SMCO2: variants seen among roughly 807,000 people sequenced by gnomAD.
The protein encoded by SMCO2 is single-pass membrane protein with coiled-coil domains 2, also known as single-pass membrane and coiled-coil domain-containing protein 2.
A neutral mutation model predicts 29.5 loss-of-function variants in SMCO2; 25 were observed. The ratio of observed to expected loss-of-function variants is 0.85; its 90% CI spans 0.62 to 1.18. The LOEUF (loss-of-function observed/expected upper bound fraction) is 1.18, where lower values mean the gene tolerates loss of function less well. Among genes scored for constraint, SMCO2 ranks in the 50% most tolerant of loss-of-function variants. The probability of loss-of-function intolerance (pLI) is 0.00; values close to 1 mark genes in which losing one functional copy is unlikely to be tolerated. For synonymous variants in SMCO2, 117 were observed against 123.3 expected (o/e 0.95, Z 0.34); for missense variants, 348 against 344.5 (o/e 1.01, Z -0.08).
the SMCO2 span, among the ~76,000 whole-genome samples, chr12:27,461,125 A>G: frequency 4.2e-4 from 64 of 152,314 alleles, no homozygotes; most frequent in South Asian, 3.7e-3. Context: ...ACATCCTCCT[A>G]TGTATACTTT....
chr12:27,472,421 A>G (rs1949548595), intron 2 of SMCO2, among the ~76,000 whole-genome samples: 1 of 152,170 alleles, frequency 6.6e-6, no homozygotes, highest in African/African-American at 2.4e-5. Flanking sequence ...CATTTAAACC[A>G]CATAAGGTTT....
At chr12:27,453,352 C>G in the SMCO2 span, among the ~76,000 whole-genome samples, 1 of 152,146 alleles carries the variant, frequency 6.6e-6, no homozygotes, top group African/African-American at 2.4e-5. Context: ...CCATCCTGTG[C>G]CGGGGCATGT....
At chr12:27,470,490 T>G in intron 1 of SMCO2, 132 bp from the exon 2 acceptor site, 1 of 935,026 alleles carries the variant, frequency 1.1e-6, no homozygotes, top group Non-Finnish European at 1.5e-6. Context: ...TCCTTTACGA[T>G]GAACAGCCAG....
chr12:27,424,812 C>G, the SMCO2 span: 2 of 152,166 alleles, frequency 1.3e-5, no homozygotes, highest in Non-Finnish European at 2.9e-5. Flanking sequence ...CTAGGTGCCA[C>G]TTTTCTGTTT....
chr12:27,460,385 A>G, the SMCO2 span, among the ~76,000 whole-genome samples: 3 of 152,250 alleles, frequency 2.0e-5, no homozygotes, highest in Non-Finnish European at 2.9e-5. Context: ...TCAATTACAT[A>G]ATCAGTAAAT....
At chr12:27,450,622 C>G in the SMCO2 span, among the ~76,000 whole-genome samples, 1 of 152,174 alleles carries the variant, frequency 6.6e-6, no homozygotes, top group Non-Finnish European at 1.5e-5. Context: ...ACAGAGGGAG[C>G]AGTGCTGCCA....
At chr12:27,429,001 A>C in the SMCO2 span, among the ~76,000 whole-genome samples, 8 of 152,118 alleles carry the variant, frequency 5.3e-5, no homozygotes, top group Non-Finnish European at 1.0e-4. Context: ...CTGATGATTA[A>C]ATTATTTGGC....
chr12:27,440,281 TAAA>T, the SMCO2 span, among the ~76,000 whole-genome samples: 1 of 152,180 alleles, frequency 6.6e-6, no homozygotes, highest in East Asian at 1.9e-4. Context: ...GAAGGAGTGA[TAAA>T]ATCTTTTAGA....
chr12:27,466,697 G>A (rs1820015469), upstream of SMCO2: 2 of 152,600 alleles, frequency 1.3e-5, no homozygotes, highest in African/African-American at 2.4e-5. Context: ...GGCTAGAAGG[G>A]CAAGGTAGAA....
the SMCO2 span, chr12:27,425,093 T>C: frequency 2.0e-5 from 3 of 152,300 alleles, no homozygotes; most frequent in African/African-American, 7.2e-5. Flanking sequence ...GTGTATGGTG[T>C]ATGTCACTTC....
chr12:27,474,263 C>T (rs1464037122), intron 3 of SMCO2, among the ~76,000 whole-genome samples: 1 of 152,182 alleles, frequency 6.6e-6, no homozygotes, highest in East Asian at 1.9e-4. Flanking sequence ...ACTGTTATCA[C>T]ATCTGGGAAA....
the SMCO2 span, chr12:27,424,671 T>C: frequency 6.6e-6 from 1 of 152,112 alleles, no homozygotes; most frequent in African/African-American, 2.4e-5. Context: ...CCAAGAGGTA[T>C]CTCCCCCTCA....
At chr12:27,448,361 C>T in the SMCO2 span, among the ~76,000 whole-genome samples, 4 of 152,316 alleles carry the variant, frequency 2.6e-5, no homozygotes, top group Non-Finnish European at 5.9e-5. Context: ...CCTTAGTTCT[C>T]CCAAGCGGCA....
intron 1 of SMCO2, among the ~76,000 whole-genome samples, chr12:27,469,073 G>C (rs1949520787): frequency 6.6e-6 from 1 of 152,150 alleles, no homozygotes; most frequent in African/African-American, 2.4e-5. Context: ...TCAGAATAAG[G>C]AAATTTTATT....
chr12:27,473,148 A>C (rs1949555757), intron 3 of SMCO2: 2 of 347,680 alleles, frequency 5.8e-6, no homozygotes, highest in Admixed American at 4.4e-5. Flanking sequence ...GTCCTCGGGA[A>C]TTTATGAAAT....
the SMCO2 span, among the ~76,000 whole-genome samples, chr12:27,461,112 T>A: frequency 1.3e-5 from 2 of 152,378 alleles, no homozygotes; most frequent in Non-Finnish European, 1.5e-5. Flanking sequence ...ATATAACCTA[T>A]GCACATCCTC....
chr12:27,488,687 C>T (rs563220736), intron 5 of SMCO2, 140 bp downstream of exon 6: 15 of 495,212 alleles, frequency 3.0e-5, no homozygotes, highest in Non-Finnish European at 4.7e-5. Flanking sequence ...CGTCTGAGCA[C>T]CCTTTTCCTG....
At chr12:27,500,842 A>G (rs1341523542) in intron 7 of SMCO2, among the ~76,000 whole-genome samples, 2 of 150,568 alleles carry the variant, frequency 1.3e-5, no homozygotes, top group Admixed American at 6.6e-5. Flanking sequence ...TAATGGCGAG[A>G]AACTTGGCTC....
chr12:27,447,790 C>T, the SMCO2 span, among the ~76,000 whole-genome samples: 1 of 150,778 alleles, frequency 6.6e-6, no homozygotes, highest in Non-Finnish European at 1.5e-5. Context: ...TCAGAACCTA[C>T]ATTTTAACAA....
Sources: gnomAD v4.1 joint callset for allele counts (sites outside exome capture counted in the v4.1 genomes callset) on GRCh38, gnomAD v4.1.1 for gene constraint, MANE v1.5 for transcripts, NCBI Gene and HGNC (gene_info 2026-07-23, HGNC 2026-07-21) for gene names.